The following GALNT18 variants were observed in gnomAD, a reference collection of about 807,000 sequenced individuals.
GALNT18 encodes the protein polypeptide N-acetylgalactosaminyltransferase 18, also known as GalNAc-transferase 18.
GALNT18 carries 44 observed loss-of-function variants against 69.5 expected under a neutral mutation model. The observed-to-expected ratio is 0.63, with a 90% CI of 0.50 to 0.81. The LOEUF (loss-of-function observed/expected upper bound fraction) is 0.81, where lower values mean the gene tolerates loss of function less well. GALNT18 is among the 40% of genes least tolerant of loss of function. GALNT18 has a pLI of 0.00. For missense variants in GALNT18, 715 were observed against 810.0 expected (o/e 0.88, Z 1.42); for synonymous variants, 364 against 318.2 (o/e 1.14, Z -1.53).
At chr11:11,327,586 C>A (rs185961690) in intron 8 of GALNT18, among the ~76,000 whole-genome samples, 16 of 152,314 alleles carry the variant, frequency 1.1e-4, no homozygotes, top group Admixed American at 9.1e-4. Flanking sequence ...CCTCAGAGGT[C>A]CCCTGGGACC....
chr11:11,330,929 C>T (rs1051682220), intron 8 of GALNT18, among the ~76,000 whole-genome samples: 4 of 152,216 alleles, frequency 2.6e-5, no homozygotes, highest in African/African-American at 9.6e-5. Context: ...CTGCTGAGAA[C>T]ATGAATCCAG....
At position 11,498,870 on chromosome 11, in the gene GALNT18, T is replaced by C. The variant is rs533702366; in HGVS notation, c.236-49934A>G. ...TATGATGGTAGCAATGTAATTGTAG[T>C]TACAGTCAGAGAAGATTAAATGGAA... On this transcript the variant is annotated intron_variant, in intron 1 of 10. Transcript: ENST00000227756. Among the ~76,000 whole-genome samples the C allele has an allele frequency of 3.3e-5, 5 of 152,324 alleles. No homozygotes were observed. The South Asian group carries it at 1.0e-3, about 32-fold the overall frequency.
chr11:11,352,428 G>A (rs1850430807), intron 6 of GALNT18: 1 of 1,614,090 alleles, frequency 6.2e-7, no homozygotes, highest in East Asian at 2.2e-5. Flanking sequence ...ATGGAAAAAT[G>A]GCTCCTTCCG....
At chr11:11,426,775 G>T (rs1855143067) in intron 3 of GALNT18, among the ~76,000 whole-genome samples, 1 of 152,086 alleles carries the variant, frequency 6.6e-6, no homozygotes, top group Admixed American at 6.5e-5. Context: ...CTCCCTAGTG[G>T]GAAGGAGGCA....
intron 1 of GALNT18, among the ~76,000 whole-genome samples, chr11:11,581,162 T>C (rs1590116084): frequency 1.3e-5 from 2 of 152,194 alleles, no homozygotes; most frequent in East Asian, 1.9e-4. Flanking sequence ...GAGACAAAAG[T>C]GCCCTGAGGC....
chr11:11,422,780 G>C (rs754870631), intron 3 of GALNT18, among the ~76,000 whole-genome samples: 1 of 152,044 alleles, frequency 6.6e-6, no homozygotes, highest in Non-Finnish European at 1.5e-5. Context: ...GGTTCTGCAG[G>C]GGGTGGGGAA....
rs573930290 is a variant in GALNT18 at position 11,470,913 on chromosome 11, C to T, written c.236-21977G>A. Among the ~76,000 whole-genome samples the T allele has an allele frequency of 5.3e-5, 8 of 152,274 alleles. No homozygotes were observed. The highest frequency in any genetic ancestry group is 8.8e-5 in the Non-Finnish European group (6 of 68,018). On this transcript the variant is annotated intron_variant, in intron 1 of 10. Transcript: ENST00000227756. This position sits in a 1 kb window ranked among gnomAD's most constrained non-coding sequence, Gnocchi z 4.8. The stretch of plus-strand genomic sequence containing the variant: ...CAGGTCCCCCTCCTAAAAACCTTTG[C>T]CTGAGAATCAAACGTCCTGCCAAAT...
At position 11,339,409 on chromosome 11, in the gene GALNT18, G is replaced by T. The variant is rs997197291; in HGVS notation, c.1278+1410C>A. On this transcript the variant is annotated intron_variant, in intron 7 of 10. Coordinates refer to ENST00000227756, the MANE Select transcript of GALNT18 (RefSeq NM_198516.3). This position sits in a 1 kb window ranked among gnomAD's most constrained non-coding sequence, Gnocchi z 5.2. ...GAGGGCTAGAAGTTTTGCAGCTCTG[G>T]GGTACAGAGAGAAGGCAGTAAGAGT... Among the ~76,000 whole-genome samples, 1 of 152,104 alleles carries T rather than the reference G, an allele frequency of 6.6e-6. No individual in the cohort carries two copies. The highest frequency in any genetic ancestry group is 2.4e-5 in the African/African-American group (1 of 41,402).
intron 1 of GALNT18, among the ~76,000 whole-genome samples, chr11:11,556,937 GAACA>G (rs1342184311): frequency 2.6e-5 from 4 of 152,100 alleles, no homozygotes; most frequent in African/African-American, 9.7e-5. Context: ...TGAAAATGTT[GAACA>G]AATATCTCAA....
chr11:11,497,327 A>ACACAC lies in GALNT18; in HGVS notation c.236-48392_236-48391insGTGTG, dbSNP rs1856884058. 1.5e-5 allele frequency among the ~76,000 whole-genome samples: 2 copies of ACACAC among 132,324 alleles called. No individual in the cohort carries two copies. Among genetic ancestry groups the ACACAC allele is most frequent in the African/African-American group, 2.9e-5 (1 of 34,108 alleles). The allele number at this position is 132,324 out of a possible 152,430, so 86.8% of individuals were successfully genotyped here. ...TATTTATGTTTTACCTCCTGTCTCC[A>ACACAC]ACACACACACACACACACACACACA... On this transcript the variant is annotated intron_variant, in intron 1 of 10. Coordinates refer to ENST00000227756, the MANE Select transcript of GALNT18 (RefSeq NM_198516.3). This position sits in a 1 kb window ranked among gnomAD's most constrained non-coding sequence, Gnocchi z 4.2.
chr11:11,489,170 A>G (rs1320952244), intron 1 of GALNT18, among the ~76,000 whole-genome samples: 1 of 152,192 alleles, frequency 6.6e-6, no homozygotes, highest in Admixed American at 6.5e-5. Context: ...GAAAAGCTTT[A>G]TGGAGTTTAT....
chr11:11,518,660 G>A (rs7943075), intron 1 of GALNT18, among the ~76,000 whole-genome samples: 89,963 of 152,102 alleles, frequency 0.59, 26,904 homozygotes, highest in East Asian at 0.74. Context: ...GAAAACACAC[G>A]GACATAGAAA....
intron 1 of GALNT18, among the ~76,000 whole-genome samples, chr11:11,525,390 C>A (rs1449440670): frequency 2.0e-5 from 3 of 151,974 alleles, no homozygotes; most frequent in Non-Finnish European, 4.4e-5. Context: ...AAAACCAGTG[C>A]CAGATGATAA....
rs368871137 is a variant in GALNT18 at position 11,341,284 on chromosome 11, C to CA, written c.1093-281dup. Among the ~76,000 whole-genome samples, 245 of 152,110 alleles carry CA rather than the reference C, an allele frequency of 1.6e-3. No individual in the cohort carries two copies. Among genetic ancestry groups the CA allele is most frequent in the East Asian group, 0.014 (70 of 5,176 alleles). ...CCTCCACCTGTGAGCCCTACCCCAC[C>CA]AAAAAAAGAGACCAGACATTTTGTT... On this transcript the variant is annotated intron_variant, in intron 6 of 10. Transcript: ENST00000227756. The surrounding 1 kb of genome is among the most constrained non-coding windows in gnomAD (Gnocchi z 6.3).
Position 11,618,042 on chromosome 11 carries a change from C to T in GALNT18, c.235+3317G>A, listed in dbSNP as rs2133974671. On this transcript the variant is annotated intron_variant, in intron 1 of 10. Coordinates refer to ENST00000227756, the MANE Select transcript of GALNT18 (RefSeq NM_198516.3). This position sits in a 1 kb window ranked among gnomAD's most constrained non-coding sequence, Gnocchi z 6.1. Reference sequence around the variant, plus strand: ...ATTCCCAAACACCATCTAATTAAATCATTCAATCAGAAAACAAATTAAAAT... The same window carrying T: ...ATTCCCAAACACCATCTAATTAAATTATTCAATCAGAAAACAAATTAAAAT... 6.6e-6 allele frequency among the ~76,000 whole-genome samples: 1 copy of T among 152,322 alleles called. No homozygotes were observed.
chr11:11,583,604 A>G lies in GALNT18; in HGVS notation c.235+37755T>C, dbSNP rs573022743. Among the ~76,000 whole-genome samples the G allele has an allele frequency of 5.3e-5, 8 of 152,292 alleles. No homozygotes were observed. In the South Asian group the frequency reaches 1.7e-3, roughly 32 times the overall value. On this transcript the variant is annotated intron_variant, in intron 1 of 10. Transcript: ENST00000227756. This position sits in a 1 kb window ranked among gnomAD's most constrained non-coding sequence, Gnocchi z 4.7. ...GGATACATTTACATCTCATTCCCCA[A>G]ATGTAGGACATCCAAAGACCAGAGG...
intron 1 of GALNT18, among the ~76,000 whole-genome samples, chr11:11,503,470 A>T (rs987793165): frequency 6.6e-6 from 1 of 152,164 alleles, no homozygotes; most frequent in African/African-American, 2.4e-5. Flanking sequence ...TTTTACCTGT[A>T]CCTGAATCCT....
rs1339622291 is a variant in GALNT18, at chr11:11,270,960, C to G, written c.*184G>C. 1.2e-5 allele frequency: 6 copies of G among 516,246 alleles called. No homozygotes were observed. The highest frequency in any genetic ancestry group is 1.7e-5 in the Non-Finnish European group (5 of 291,480). The allele number at this position is 516,246 out of a possible 1,614,324, so 32.0% of individuals were successfully genotyped here. On this transcript the variant is annotated 3_prime_UTR_variant, in exon 11 of 11. Coordinates refer to ENST00000227756, the MANE Select transcript of GALNT18 (RefSeq NM_198516.3). ...AACTGCAAAATAGTTTGATATCATA[C>G]CATCACCTACCAATCAGCATCTTTC...
chr11:11,275,971 C>A (rs1463795230), intron 10 of GALNT18, among the ~76,000 whole-genome samples: 1 of 152,208 alleles, frequency 6.6e-6, no homozygotes, highest in African/African-American at 2.4e-5. Context: ...TAGCCTGATG[C>A]ATCCAGCTTT....
Sources: gnomAD v4.1 joint callset for allele counts (sites outside exome capture counted in the v4.1 genomes callset) on GRCh38, gnomAD v4.1.1 for gene constraint, Gnocchi (gnomAD v3.1) non-coding constraint, MANE v1.5 for transcripts, NCBI Gene and HGNC (gene_info 2026-07-23, HGNC 2026-07-21) for gene names.